Variants in FAM13A observed in about 807,000 individuals in gnomAD.
The protein encoded by FAM13A is protein FAM13A.
In FAM13A, 76 loss-of-function variants were observed where a neutral mutation model predicts 129.6. That is an observed-to-expected ratio of 0.59 (90% CI 0.49 to 0.71). FAM13A has a LOEUF of 0.71. FAM13A is among the 30% of genes least tolerant of loss of function. The probability of loss-of-function intolerance (pLI) is 0.00; values close to 1 mark genes in which losing one functional copy is unlikely to be tolerated. For synonymous variants in FAM13A, 443 were observed against 449.9 expected, an observed-to-expected ratio of 0.98 and a Z score of 0.20; for missense variants, 1,108 against 1,249.3, an observed-to-expected ratio of 0.89 and a Z score of 1.70.
intron 5 of FAM13A, among the ~76,000 whole-genome samples, chr4:88,933,693 C>T (rs1001148636): frequency 2.6e-5 from 4 of 152,146 alleles, no homozygotes; most frequent in African/African-American, 9.7e-5. Flanking sequence ...AGCTTACCTT[C>T]AGATCTTCTC....
At chr4:88,851,335 A>T (rs1737536503) in intron 6 of FAM13A, 152 bp from the exon 7 acceptor site, 2 of 648,462 alleles carry the variant, frequency 3.1e-6, no homozygotes, top group Non-Finnish European at 5.1e-6. Context: ...TTAAATTTAA[A>T]CTACATATAA....
chr4:89,030,285 A>C (rs56672432), intron 1 of FAM13A, among the ~76,000 whole-genome samples: 21,703 of 152,032 alleles, frequency 0.14, 1,722 homozygotes, highest in Non-Finnish European at 0.18. Flanking sequence ...ATTGTATTAT[A>C]TATATTATAA....
intron 7 of FAM13A, among the ~76,000 whole-genome samples, chr4:88,841,874 A>G (rs572575785): frequency 6.6e-6 from 1 of 152,368 alleles, no homozygotes; most frequent in South Asian, 2.1e-4. Flanking sequence ...TAGAGTTAAC[A>G]TATGATTCAG....
chr4:89,006,316 C>G (rs1315694811), intron 3 of FAM13A, among the ~76,000 whole-genome samples: 1 of 152,218 alleles, frequency 6.6e-6, no homozygotes, highest in African/African-American at 2.4e-5. Flanking sequence ...GAAGCACTGA[C>G]CTAGCACTTA....
intron 6 of FAM13A, among the ~76,000 whole-genome samples, chr4:88,894,365 T>C (rs576255836): frequency 4.4e-4 from 67 of 152,158 alleles, no homozygotes; most frequent in Middle Eastern, 3.4e-3. Flanking sequence ...TGACAGCATA[T>C]TGAACAGAAA....
intron 6 of FAM13A, among the ~76,000 whole-genome samples, chr4:88,905,142 T>C (rs1348960169): frequency 1.3e-5 from 2 of 152,200 alleles, no homozygotes; most frequent in Non-Finnish European, 2.9e-5. Flanking sequence ...TATATGTAAG[T>C]ATGTATGTGT....
chr4:88,756,285 C>T (rs1743616910), intron 14 of FAM13A, among the ~76,000 whole-genome samples: 1 of 152,170 alleles, frequency 6.6e-6, no homozygotes, highest in African/African-American at 2.4e-5. Flanking sequence ...ATTCACTTTG[C>T]GAGAGTTCCA....
At chr4:88,761,744 T>C (rs1486615003) in intron 13 of FAM13A, among the ~76,000 whole-genome samples, 1 of 126,664 alleles carries the variant, frequency 7.9e-6, no homozygotes, top group South Asian at 2.2e-4. Flanking sequence ...TATATACTTA[T>C]ATATTCAATA....
chr4:88,764,975 A>C (rs1442843861), intron 13 of FAM13A, among the ~76,000 whole-genome samples: 2 of 152,226 alleles, frequency 1.3e-5, no homozygotes, highest in African/African-American at 4.8e-5. Flanking sequence ...AATTAAAATA[A>C]ATTAAAAAGA....
chr4:88,869,298 T>G (rs1400978482), intron 6 of FAM13A, among the ~76,000 whole-genome samples: 1 of 152,240 alleles, frequency 6.6e-6, no homozygotes, highest in African/African-American at 2.4e-5. Context: ...TGTCCCTGTT[T>G]AAAACTTGTC....
intron 5 of FAM13A, among the ~76,000 whole-genome samples, chr4:88,909,440 G>A (rs1212259417): frequency 6.6e-6 from 1 of 152,108 alleles, no homozygotes; most frequent in African/African-American, 2.4e-5. Context: ...GGGTTGGGAG[G>A]AGTGGGGAAT....
At chr4:89,009,365 C>T (rs563736027) in intron 3 of FAM13A, among the ~76,000 whole-genome samples, 2 of 152,262 alleles carry the variant, frequency 1.3e-5, no homozygotes, top group South Asian at 4.1e-4. Context: ...CCCTTCAACG[C>T]CACTACCTCT....
At chr4:88,989,025 T>C (rs1762607713) in intron 4 of FAM13A, among the ~76,000 whole-genome samples, 1 of 151,748 alleles carries the variant, frequency 6.6e-6, no homozygotes, top group Non-Finnish European at 1.5e-5. Context: ...CTGGCCAACA[T>C]GGTGAAACCC....
chr4:89,036,821 G>C (rs1452099551), intron 1 of FAM13A, among the ~76,000 whole-genome samples: 1 of 152,228 alleles, frequency 6.6e-6, no homozygotes, highest in Admixed American at 6.5e-5. Flanking sequence ...AATGGCCCAA[G>C]ATACGTCTCA....
Position 89,042,103 on chromosome 4 carries a change from A to G in FAM13A, c.28-12454T>C, listed in dbSNP as rs929375665. Among the ~76,000 whole-genome samples, 9 of 151,804 alleles carry G rather than the reference A, an allele frequency of 5.9e-5. 2 individuals carry two copies. The highest frequency in any genetic ancestry group is 1.2e-4 in the Non-Finnish European group (8 of 67,914). ...GACATATGTATATGTTTGATGAACA[A>G]GATGTAAATAGACGTTGCTGGGACC... is the stretch of plus-strand genomic sequence containing the variant. On this transcript the variant is annotated intron_variant, in intron 1 of 23. Transcript: ENST00000264344.
intron 2 of FAM13A, 106 bp from the exon 3 acceptor site, chr4:89,020,775 A>C: frequency 4.2e-6 from 3 of 714,252 alleles, no homozygotes; most frequent in South Asian, 1.8e-5. Context: ...TGATTCTCTC[A>C]ACACTGTAAT....
intron 19 of FAM13A, among the ~76,000 whole-genome samples, 176 bp from the exon 20 acceptor site, chr4:88,739,301 G>A (rs1453191009): frequency 6.6e-6 from 1 of 152,014 alleles, no homozygotes. Flanking sequence ...TAAATATTCA[G>A]ATTACCTAGT....
intron 7 of FAM13A, among the ~76,000 whole-genome samples, chr4:88,823,690 G>T (rs1333505016): frequency 6.6e-6 from 1 of 152,208 alleles, no homozygotes; most frequent in Non-Finnish European, 1.5e-5. Flanking sequence ...AGCCTTGAAA[G>T]GAGTGAGACT....
intron 11 of FAM13A, among the ~76,000 whole-genome samples, chr4:88,770,510 T>C (rs1306249085): frequency 6.6e-6 from 1 of 152,056 alleles, no homozygotes; most frequent in Non-Finnish European, 1.5e-5. Flanking sequence ...CTAAACATTT[T>C]CAGATCAAGG....
Sources: allele counts gnomAD v4.1 joint callset (sites outside exome capture counted in the v4.1 genomes callset), GRCh38; gene constraint gnomAD v4.1.1; transcripts MANE v1.5; gene names NCBI Gene and HGNC (gene_info 2026-07-23, HGNC 2026-07-21).